PRDM5: variants seen among roughly 807,000 people sequenced by gnomAD.
The protein encoded by PRDM5 is PR/SET domain 5, also known as PR domain zinc finger protein 5.
Under a neutral mutation model 81.2 loss-of-function variants are expected in PRDM5, and 56 were observed. That is an observed-to-expected ratio of 0.69 (90% CI 0.56 to 0.86). The LOEUF (loss-of-function observed/expected upper bound fraction) is 0.86. Among genes scored for constraint, PRDM5 ranks in the 40% least tolerant of loss-of-function variants. The pLI is 0.00. For synonymous variants in PRDM5, 267 were observed against 256.4 expected, an observed-to-expected ratio of 1.04 and a Z score of -0.39; for missense variants, 697 against 770.1, an observed-to-expected ratio of 0.91 and a Z score of 1.12.
intron 3 of PRDM5, chr4:120,839,292 G>T: frequency 1.4e-6 from 1 of 703,100 alleles, no homozygotes. Flanking sequence ...CAGGAAAAAT[G>T]AGGTATACAA....
At position 120,853,451 on chromosome 4, in the gene PRDM5, T is replaced by C. The variant is rs1360129951; in HGVS notation, c.267A>G (p.Pro89=). 13 of 1,613,798 alleles carry C rather than the reference T, an allele frequency of 8.1e-6. No homozygotes were observed. The highest frequency in any genetic ancestry group is 9.3e-6 in the Non-Finnish European group (11 of 1,179,760). ...SNWLRFVHEA[P]SQEQKNLAAI... ...CAGCCAAGTTCTTCTGCTCCTGAGATGGTGCCTCATGAACGAAGCGAAGCC... is the reference window on the plus strand; with the variant it reads ...CAGCCAAGTTCTTCTGCTCCTGAGACGGTGCCTCATGAACGAAGCGAAGCC... Residue 89 remains proline, a synonymous_variant, in exon 3 of 16, where the codon CCA becomes CCG. Coordinates refer to ENST00000264808, the MANE Select transcript of PRDM5 (RefSeq NM_018699.4).
intron 8 of PRDM5, among the ~76,000 whole-genome samples, chr4:120,803,848 T>C (rs909616013): frequency 2.0e-5 from 3 of 152,224 alleles, no homozygotes; most frequent in African/African-American, 7.2e-5. Context: ...AATTCACACA[T>C]AACAATATTA....
chr4:120,881,409 G>A (rs1240259691), intron 2 of PRDM5, among the ~76,000 whole-genome samples: 3 of 152,068 alleles, frequency 2.0e-5, no homozygotes, highest in African/African-American at 4.8e-5. Flanking sequence ...GCAAATAAAC[G>A]AATGAATTTA....
chr4:120,784,951 G>A (rs778521673), intron 11 of PRDM5, 47 bp downstream of exon 11: 1 of 1,429,870 alleles, frequency 7.0e-7, no homozygotes, highest in African/African-American at 1.4e-5. Flanking sequence ...TAAAAACAAA[G>A]TATGAGATAA....
intron 8 of PRDM5, among the ~76,000 whole-genome samples, chr4:120,804,246 A>G (rs1162721003): frequency 6.6e-6 from 1 of 152,202 alleles, no homozygotes; most frequent in African/African-American, 2.4e-5. Context: ...CCACACAATA[A>G]TAATTGGAGA....
chr4:120,743,973 A>G (rs1742550759), intron 14 of PRDM5, among the ~76,000 whole-genome samples: 1 of 152,094 alleles, frequency 6.6e-6, no homozygotes, highest in South Asian at 2.1e-4. Flanking sequence ...TCAACAGAAT[A>G]TACATTTTTT....
At chr4:120,715,960 G>C (rs183343416) in intron 14 of PRDM5, among the ~76,000 whole-genome samples, 1 of 152,174 alleles carries the variant, frequency 6.6e-6, no homozygotes, top group East Asian at 1.9e-4. Flanking sequence ...GACACTATCT[G>C]GGTGAGTATC....
chr4:120,763,590 G>A (rs1745948117), intron 13 of PRDM5, among the ~76,000 whole-genome samples: 1 of 152,174 alleles, frequency 6.6e-6, no homozygotes, highest in Non-Finnish European at 1.5e-5. Flanking sequence ...GTTCCACACT[G>A]CTATGGTAGG....
intron 1 of PRDM5, among the ~76,000 whole-genome samples, chr4:120,910,614 T>C (rs542141182): frequency 6.6e-6 from 1 of 152,352 alleles, no homozygotes; most frequent in South Asian, 2.1e-4. Flanking sequence ...GCAGCACATC[T>C]ATGAAAGGGA....
At chr4:120,763,857 C>T (rs543082003) in intron 13 of PRDM5, among the ~76,000 whole-genome samples, 3 of 151,020 alleles carry the variant, frequency 2.0e-5, no homozygotes, top group African/African-American at 7.3e-5. Context: ...AAGGAAGTAT[C>T]AAGAGTATAT....
intron 14 of PRDM5, among the ~76,000 whole-genome samples, chr4:120,718,653 G>T (rs1578464027): frequency 6.6e-6 from 1 of 152,018 alleles, no homozygotes; most frequent in East Asian, 1.9e-4. Flanking sequence ...AAAAACAAAG[G>T]TTCAGCTGAA....
chr4:120,733,317 C>A (rs1740537323), intron 14 of PRDM5, among the ~76,000 whole-genome samples: 1 of 152,154 alleles, frequency 6.6e-6, no homozygotes, highest in Non-Finnish European at 1.5e-5. Flanking sequence ...GCCATGCCTG[C>A]CTGACCCCCA....
intron 1 of PRDM5, among the ~76,000 whole-genome samples, chr4:120,912,598 C>T (rs1254542111): frequency 6.6e-6 from 1 of 152,126 alleles, no homozygotes; most frequent in Non-Finnish European, 1.5e-5. Flanking sequence ...GCTATAAAAA[C>T]ATTTTTAGGC....
intron 15 of PRDM5, among the ~76,000 whole-genome samples, chr4:120,707,631 C>G (rs1332124442): frequency 6.6e-6 from 1 of 151,146 alleles, no homozygotes; most frequent in Non-Finnish European, 1.5e-5. Context: ...GCAATGAATT[C>G]TTAGATATAA....
chr4:120,871,382 C>T (rs1021448839), intron 2 of PRDM5, among the ~76,000 whole-genome samples: 2 of 152,164 alleles, frequency 1.3e-5, no homozygotes, highest in Admixed American at 1.3e-4. Flanking sequence ...CTCCCTGTGG[C>T]ACGTCAGATG....
At chr4:120,874,697 C>T (rs1325509330) in intron 2 of PRDM5, among the ~76,000 whole-genome samples, 1 of 152,130 alleles carries the variant, frequency 6.6e-6, no homozygotes, top group East Asian at 1.9e-4. Context: ...TATTATTTAA[C>T]ACTATTGTGA....
chr4:120,836,145 A>C (rs2149381297), intron 3 of PRDM5, among the ~76,000 whole-genome samples: 1 of 152,286 alleles, frequency 6.6e-6, no homozygotes, highest in South Asian at 2.1e-4. Context: ...CCTACAAGGT[A>C]AGTGTTCATC....
At chr4:120,905,702 C>T (rs1192307107) in intron 2 of PRDM5, among the ~76,000 whole-genome samples, 2 of 152,100 alleles carry the variant, frequency 1.3e-5, no homozygotes, top group South Asian at 2.1e-4. Context: ...AATATATATA[C>T]TATCTCCTTG....
intron 14 of PRDM5, among the ~76,000 whole-genome samples, chr4:120,747,391 A>G (rs1159015255): frequency 3.3e-5 from 5 of 152,004 alleles, no homozygotes; most frequent in African/African-American, 1.2e-4. Flanking sequence ...ATATGTAACT[A>G]ACTTGCACAA....
Sources: allele counts gnomAD v4.1 joint callset (sites outside exome capture counted in the v4.1 genomes callset), GRCh38; gene constraint gnomAD v4.1.1; transcripts MANE v1.5; gene names NCBI Gene and HGNC (gene_info 2026-07-23, HGNC 2026-07-21).